The following AMOTL1 variants were observed in gnomAD, a reference collection of about 807,000 sequenced individuals.
AMOTL1 encodes the protein angiomotin-like protein 1.
A neutral mutation model predicts 102.9 loss-of-function variants in AMOTL1; 45 were observed. The observed-to-expected ratio is 0.44, with a 90% CI of 0.34 to 0.56. The LOEUF (loss-of-function observed/expected upper bound fraction) is 0.56. Ranked by LOEUF, AMOTL1 falls within the 20% of genes least tolerant of loss-of-function variation. AMOTL1 has a pLI of 0.01. For synonymous variants in AMOTL1, 481 were observed against 484.7 expected, an observed-to-expected ratio of 0.99 and a Z score of 0.10; for missense variants, 1,114 against 1,225.6, an observed-to-expected ratio of 0.91 and a Z score of 1.36.
intron 3 of AMOTL1, among the ~76,000 whole-genome samples, chr11:94,741,297 C>G (rs1950523704): frequency 6.6e-6 from 1 of 151,998 alleles, no homozygotes; most frequent in South Asian, 2.1e-4. Context: ...CTCCGAGGAG[C>G]CTGGCACAGC....
At chr11:94,720,637 T>C (rs1950161582) in intron 1 of AMOTL1, among the ~76,000 whole-genome samples, 1 of 152,088 alleles carries the variant, frequency 6.6e-6, no homozygotes, top group Non-Finnish European at 1.5e-5. Context: ...TTCTCTCTTT[T>C]CTTTTGTGTG....
At chr11:94,839,629 G>A (rs1259042138) in intron 6 of AMOTL1, among the ~76,000 whole-genome samples, 4 of 152,200 alleles carry the variant, frequency 2.6e-5, no homozygotes, top group Non-Finnish European at 4.4e-5. Flanking sequence ...TTAGTGTAGC[G>A]TTCACATTTT....
chr11:94,787,443 A>G (rs1011478291), intron 1 of AMOTL1, among the ~76,000 whole-genome samples: 1 of 152,070 alleles, frequency 6.6e-6, no homozygotes, highest in Non-Finnish European at 1.5e-5. Flanking sequence ...CAAAACAAAC[A>G]CTTTGGGAGG....
chr11:94,808,750 C>T (rs545878687), intron 3 of AMOTL1, among the ~76,000 whole-genome samples: 2 of 152,218 alleles, frequency 1.3e-5, no homozygotes, highest in South Asian at 4.1e-4. Flanking sequence ...CCACATATCT[C>T]ATTAAACATT....
chr11:94,866,082 C>A lies in AMOTL1; in HGVS notation c.2402C>A (p.Thr801Asn). The A allele has an allele frequency of 3.1e-6, 5 of 1,614,008 alleles. No homozygotes were observed. Among genetic ancestry groups the A allele is most frequent in the Non-Finnish European group, 3.4e-6 (4 of 1,179,898 alleles). Residue 801 changes from threonine (T) to asparagine (N), a missense_variant, in exon 11 of 13, where the codon ACT (threonine) becomes AAT (asparagine). Coordinates refer to ENST00000433060, the MANE Select transcript of AMOTL1 (RefSeq NM_130847.3). ...ARSVPSIAAA[T>N]GTHSRQTSLT... is the part of the protein sequence containing the mutation. Reference sequence around the variant, plus strand: ...TCCGTTCCATCCATAGCAGCAGCTACTGGGACACACTCTCGCCAGACCTCT... The same window carrying A: ...TCCGTTCCATCCATAGCAGCAGCTAATGGGACACACTCTCGCCAGACCTCT...
At chr11:94,805,348 C>T (rs1194452946) in intron 3 of AMOTL1, among the ~76,000 whole-genome samples, 1 of 152,182 alleles carries the variant, frequency 6.6e-6, no homozygotes, top group Non-Finnish European at 1.5e-5. Context: ...ACAGACCAGA[C>T]TTAATGGGGC....
chr11:94,837,560 G>T (rs1401076277), intron 6 of AMOTL1, among the ~76,000 whole-genome samples: 1 of 152,214 alleles, frequency 6.6e-6, no homozygotes, highest in Non-Finnish European at 1.5e-5. Flanking sequence ...TTGATAGGCA[G>T]CACTGAGAAA....
chr11:94,764,348 T>C (rs1950830221), upstream of AMOTL1, among the ~76,000 whole-genome samples: 1 of 152,188 alleles, frequency 6.6e-6, no homozygotes, highest in Non-Finnish European at 1.5e-5. Flanking sequence ...ATTCAGAAAT[T>C]TGGAGGTGGA....
chr11:94,873,151 C>T lies in AMOTL1; in HGVS notation c.*2356C>T, dbSNP rs1247658423. 1.3e-5 allele frequency: 2 copies of T among 152,190 alleles called. No individual in the cohort carries two copies. The highest frequency in any genetic ancestry group is 2.1e-4 in the South Asian group (1 of 4,830). The allele number at this position is 152,190 out of a possible 1,614,324, so 9.4% of individuals were successfully genotyped here. On this transcript the variant is annotated 3_prime_UTR_variant, in exon 13 of 13. Coordinates refer to ENST00000433060, the MANE Select transcript of AMOTL1 (RefSeq NM_130847.3). ...GCCCCAGACACCTGATTGCCCCAAT[C>T]AGGTGTCAGACTTGCTTGCTCTTCG... is the stretch of plus-strand genomic sequence containing the variant.
intron 1 of AMOTL1, among the ~76,000 whole-genome samples, chr11:94,718,713 A>C (rs1591887592): frequency 6.6e-6 from 1 of 151,390 alleles, no homozygotes; most frequent in East Asian, 1.9e-4. Flanking sequence ...TTATCTATTG[A>C]TTATCAGTTG....
chr11:94,762,614 A>AACTGTCATG (rs1950807259), intron 3 of AMOTL1, among the ~76,000 whole-genome samples: 1 of 152,178 alleles, frequency 6.6e-6, no homozygotes, highest in South Asian at 2.1e-4. Context: ...TGTTTAGAAT[A>AACTGTCATG]ACTGTCATGT....
At position 94,848,416 on chromosome 11, in the gene AMOTL1, C is replaced by T. The variant is rs538468169; in HGVS notation, c.1649-1698C>T. On this transcript the variant is annotated intron_variant, in intron 6 of 12. Transcript: ENST00000433060. Reference sequence around the variant, plus strand: ...GATCTTGGTGGCCTCATCTTGTTTTCAGGGATGCCATTGTTTCTAGGAAGC... The same window carrying T: ...GATCTTGGTGGCCTCATCTTGTTTTTAGGGATGCCATTGTTTCTAGGAAGC... Among the ~76,000 whole-genome samples the T allele has an allele frequency of 1.4e-4, 22 of 152,158 alleles. No individual in the cohort carries two copies. The South Asian group carries it at 2.5e-3, about 17-fold the overall frequency.
intron 3 of AMOTL1, among the ~76,000 whole-genome samples, chr11:94,744,847 G>A (rs1194421404): frequency 2.6e-5 from 4 of 152,004 alleles, no homozygotes; most frequent in Admixed American, 6.6e-5. Context: ...AACAGAACCT[G>A]GTACAAAGTA....
intron 6 of AMOTL1, among the ~76,000 whole-genome samples, chr11:94,841,589 C>A (rs1170358017): frequency 6.6e-6 from 1 of 152,150 alleles, no homozygotes; most frequent in South Asian, 2.1e-4. Context: ...CCTGTGCCTC[C>A]TATATTTATG....
At chr11:94,770,150 G>A (rs1443690682) in intron 1 of AMOTL1, among the ~76,000 whole-genome samples, 7 of 152,138 alleles carry the variant, frequency 4.6e-5, no homozygotes, top group Non-Finnish European at 1.0e-4. Context: ...CCGGGCAGCT[G>A]TGGAAGTCAG....
At position 94,876,387 on chromosome 11, in the gene AMOTL1, C is replaced by T. The variant is rs897762482; in HGVS notation, c.*5592C>T. ...TCCAACCTGCTCTGTGTGTGTGTGT[C>T]GCTGTGCTTGGTGGCAGTGTGCCGT... On this transcript the variant is annotated 3_prime_UTR_variant, in exon 13 of 13. Coordinates refer to ENST00000433060, the MANE Select transcript of AMOTL1 (RefSeq NM_130847.3). The T allele has an allele frequency of 1.3e-5, 2 of 152,662 alleles. No individual in the cohort carries two copies. Among genetic ancestry groups the T allele is most frequent in the Non-Finnish European group, 2.9e-5 (2 of 68,058 alleles). 9.5% of individuals were successfully genotyped at this position (152,662 alleles called of 1,614,324 possible).
intron 6 of AMOTL1, among the ~76,000 whole-genome samples, chr11:94,836,467 A>G (rs183703571): frequency 2.6e-5 from 4 of 152,318 alleles, no homozygotes; most frequent in African/African-American, 2.4e-5. Flanking sequence ...CTTCACCAGT[A>G]TTCATCCCCC....
intron 3 of AMOTL1, among the ~76,000 whole-genome samples, chr11:94,755,696 T>G (rs905160818): frequency 2.9e-4 from 44 of 152,000 alleles, no homozygotes; most frequent in Admixed American, 2.6e-4. Flanking sequence ...CTGCTCAAAC[T>G]CCTAGAGGCC....
intron 3 of AMOTL1, among the ~76,000 whole-genome samples, chr11:94,810,109 C>T (rs1179799873): frequency 6.6e-6 from 1 of 152,048 alleles, no homozygotes; most frequent in Non-Finnish European, 1.5e-5. Context: ...ATTAAAGGGC[C>T]AACTCTTGTG....
Sources: allele counts gnomAD v4.1 joint callset (sites outside exome capture counted in the v4.1 genomes callset), GRCh38; gene constraint gnomAD v4.1.1; transcripts MANE v1.5; gene names NCBI Gene and HGNC (gene_info 2026-07-23, HGNC 2026-07-21).